The following SPMIP2 variants were observed in gnomAD, a reference collection of about 807,000 sequenced individuals.
SPMIP2 encodes the protein sperm microtubule inner protein 2.
At chr4:158,903,383 G>T in the SPMIP2 span, among the ~76,000 whole-genome samples, 1 of 152,136 alleles carries the variant, frequency 6.6e-6, no homozygotes, top group African/African-American at 2.4e-5. Flanking sequence ...CTTCTGCGTC[G>T]ATCTTGCTGG....
the SPMIP2 span, chr4:158,915,423 G>A: frequency 7.5e-7 from 1 of 1,330,370 alleles, no homozygotes; most frequent in South Asian, 1.4e-5. Flanking sequence ...CCAGTTTTCA[G>A]ATAGTTGAGA....
the SPMIP2 span, among the ~76,000 whole-genome samples, chr4:159,072,084 G>A: frequency 1.3e-5 from 2 of 152,204 alleles, no homozygotes; most frequent in Non-Finnish European, 2.9e-5. Context: ...AGGCCAAGGT[G>A]GGTGGATCAC....
chr4:158,979,789 GTTTTTTTTTTTT>G, the SPMIP2 span, among the ~76,000 whole-genome samples: 1 of 104,512 alleles, frequency 9.6e-6, no homozygotes, highest in Non-Finnish European at 1.8e-5. Context: ...AGTTGCAAGA[GTTTTTTTTTTTT>G]TTTTTTTTTT....
At chr4:159,035,590 A>G in the SPMIP2 span, among the ~76,000 whole-genome samples, 1 of 152,248 alleles carries the variant, frequency 6.6e-6, no homozygotes, top group African/African-American at 2.4e-5. Context: ...AATTAATGAG[A>G]TAATTACACA....
chr4:159,005,025 G>T, the SPMIP2 span, among the ~76,000 whole-genome samples: 7 of 151,998 alleles, frequency 4.6e-5, no homozygotes, highest in Non-Finnish European at 7.4e-5. Flanking sequence ...GAGGTCAGGA[G>T]TTCGACATCA....
the SPMIP2 span, among the ~76,000 whole-genome samples, chr4:159,044,536 T>C: frequency 6.6e-6 from 1 of 150,970 alleles, no homozygotes; most frequent in African/African-American, 2.4e-5. Flanking sequence ...GGAGAAATAA[T>C]GTCGTGGTGG....
At chr4:158,931,666 G>T in the SPMIP2 span, among the ~76,000 whole-genome samples, 1 of 152,078 alleles carries the variant, frequency 6.6e-6, no homozygotes, top group Non-Finnish European at 1.5e-5. Flanking sequence ...AGACTCAGGT[G>T]ATTCTTGTAC....
chr4:159,078,436 T>A, the SPMIP2 span, among the ~76,000 whole-genome samples: 6 of 152,262 alleles, frequency 3.9e-5, no homozygotes, highest in Non-Finnish European at 8.8e-5. Flanking sequence ...GAAATGGCTC[T>A]GTCCTAAGGG....
chr4:159,076,271 A>G, the SPMIP2 span, among the ~76,000 whole-genome samples: 3 of 152,200 alleles, frequency 2.0e-5, no homozygotes, highest in Non-Finnish European at 4.4e-5. Flanking sequence ...CCAACTCCCA[A>G]AAGATTGCTC....
the SPMIP2 span, chr4:159,064,279 A>T: frequency 2.6e-5 from 4 of 151,898 alleles, no homozygotes; most frequent in Non-Finnish European, 4.4e-5. Context: ...ATTTTTATTT[A>T]TTATTATTAT....
At chr4:158,901,633 C>G in the SPMIP2 span, among the ~76,000 whole-genome samples, 2 of 152,018 alleles carry the variant, frequency 1.3e-5, no homozygotes, top group African/African-American at 4.8e-5. Context: ...ACCAATCAAA[C>G]GTAGATTTGG....
chr4:158,967,978 A>G, the SPMIP2 span, among the ~76,000 whole-genome samples: 1 of 152,198 alleles, frequency 6.6e-6, no homozygotes, highest in Non-Finnish European at 1.5e-5. Flanking sequence ...ACAAATTCAA[A>G]AACTACTATC....
the SPMIP2 span, among the ~76,000 whole-genome samples, chr4:158,967,025 G>C: frequency 1.2e-4 from 19 of 152,160 alleles, no homozygotes; most frequent in Non-Finnish European, 2.2e-4. Flanking sequence ...TACTCTTTGT[G>C]CAACTGCTTT....
chr4:159,008,233 T>C, the SPMIP2 span, among the ~76,000 whole-genome samples: 20 of 152,360 alleles, frequency 1.3e-4, no homozygotes, highest in Non-Finnish European at 2.5e-4. Flanking sequence ...AGATTTTATC[T>C]GTAAGGTGGA....
chr4:158,950,546 T>G, the SPMIP2 span, among the ~76,000 whole-genome samples: 1 of 152,300 alleles, frequency 6.6e-6, no homozygotes, highest in East Asian at 1.9e-4. Flanking sequence ...AAACACTGCC[T>G]GCTGCACAAT....
the SPMIP2 span, among the ~76,000 whole-genome samples, chr4:158,996,202 A>G: frequency 1.3e-5 from 2 of 152,238 alleles, no homozygotes; most frequent in Non-Finnish European, 2.9e-5. Context: ...CCTGTCAAGT[A>G]GAGAAAGAAG....
chr4:158,994,030 G>C, the SPMIP2 span, among the ~76,000 whole-genome samples: 7 of 152,180 alleles, frequency 4.6e-5, no homozygotes, highest in Non-Finnish European at 8.8e-5. Flanking sequence ...CTTCTATGGA[G>C]AACCTATCTA....
the SPMIP2 span, among the ~76,000 whole-genome samples, chr4:159,073,072 G>A: frequency 2.6e-5 from 4 of 152,162 alleles, no homozygotes; most frequent in African/African-American, 9.7e-5. Flanking sequence ...TGCTGTGTTT[G>A]TGCTTTTTTG....
At chr4:158,928,061 C>G in the SPMIP2 span, among the ~76,000 whole-genome samples, 2 of 152,218 alleles carry the variant, frequency 1.3e-5, no homozygotes, top group Non-Finnish European at 2.9e-5. Context: ...CCAGTCCCAT[C>G]GACCACCCAA....
Sources: gnomAD v4.1 joint callset for allele counts (sites outside exome capture counted in the v4.1 genomes callset) on GRCh38, gnomAD v4.1.1 for gene constraint, MANE v1.5 for transcripts, NCBI Gene and HGNC (gene_info 2026-07-23, HGNC 2026-07-21) for gene names.